CSMD3: variants seen among roughly 807,000 people sequenced by gnomAD.
CSMD3 encodes the protein CUB and sushi domain-containing protein 3.
In CSMD3, 177 loss-of-function variants were observed where a neutral mutation model predicts 435.2. The observed-to-expected ratio is 0.41, with a 90% CI of 0.36 to 0.46. The LOEUF (loss-of-function observed/expected upper bound fraction) is 0.46. Ranked by LOEUF, CSMD3 falls within the 20% of genes least tolerant of loss-of-function variation. The pLI, the probability that CSMD3 is intolerant of heterozygous loss-of-function variation, is 0.34. For missense variants in CSMD3, 4,265 were observed against 4,504.6 expected (o/e 0.95, Z 1.52); for synonymous variants, 1,656 against 1,520.5 (o/e 1.09, Z -2.07).
In CSMD3 at chr8:112,406,649, G is replaced by C. The variant is rs762168054; in HGVS notation, c.5684C>G (p.Ala1895Gly). Residue 1895 changes from alanine (A) to glycine (G), a missense_variant, in exon 35 of 71, where the codon GCA becomes GGA. Around this residue, in one of 3 missense-constraint regions of CSMD3, gnomAD observed 3,255 missense variants for 3,380.2 expected, o/e 0.96. Coordinates refer to ENST00000297405, the MANE Select transcript of CSMD3 (RefSeq NM_198123.2). Reference protein sequence around the residue: ...RFGRRIGNEFAVGSSVLFDCN... With the variant: ...RFGRRIGNEFGVGSSVLFDCN... ...ATCAAAAAGAACCGATGAACCGACT[G>C]CAAATTCATTGCCAATTCTTCTTCC... 1 of 1,612,408 alleles carries C rather than the reference G, an allele frequency of 6.2e-7. No individual in the cohort carries two copies. The highest frequency in any genetic ancestry group is 2.2e-5 in the East Asian group (1 of 44,790).
At position 112,304,731 on chromosome 8, in the gene CSMD3, T is replaced by C. The variant is rs749027267; in HGVS notation, c.8256A>G (p.Pro2752=). ...AGAGTGTATACTTACTTTGGCAATATGGTCTTTCATTTCTCCAACTCCAAG... is the reference window on the plus strand; with the variant it reads ...AGAGTGTATACTTACTTTGGCAATACGGTCTTTCATTTCTCCAACTCCAAG... ...NGTWSWRNER[P]YCQIISCGEL... Residue 2752 remains proline (P), a synonymous_variant, in exon 52 of 71, where the codon CCA becomes CCG. Transcript: ENST00000297405. The C allele has an allele frequency of 1.2e-6, 2 of 1,612,456 alleles. No homozygotes were observed. The highest frequency in any genetic ancestry group is 2.2e-5 in the South Asian group (2 of 91,064).
At chr8:113,334,075 T>C (rs1475971743) in intron 1 of CSMD3, among the ~76,000 whole-genome samples, 1 of 151,876 alleles carries the variant, frequency 6.6e-6, no homozygotes, top group Non-Finnish European at 1.5e-5. Flanking sequence ...ACTGCTACTA[T>C]ACAAAAATTA....
intron 11 of CSMD3, among the ~76,000 whole-genome samples, chr8:112,857,801 T>C (rs2511533): frequency 0.14 from 20,811 of 151,494 alleles, 1,696 homozygotes; most frequent in Middle Eastern, 0.3. Flanking sequence ...TGCTGCTAAG[T>C]GTTCAACAAA....
At chr8:112,879,679 T>A (rs2081393745) in intron 10 of CSMD3, among the ~76,000 whole-genome samples, 1 of 152,106 alleles carries the variant, frequency 6.6e-6, no homozygotes, top group Admixed American at 6.6e-5. Context: ...GCTTTTATAC[T>A]CTTTCTCTTT....
intron 13 of CSMD3, among the ~76,000 whole-genome samples, chr8:112,696,896 C>T (rs1324526882): frequency 1.3e-5 from 2 of 152,076 alleles, no homozygotes; most frequent in Non-Finnish European, 1.5e-5. Context: ...ACAAACAACC[C>T]CATCACAAAG....
intron 1 of CSMD3, among the ~76,000 whole-genome samples, chr8:113,362,722 C>T (rs966897454): frequency 1.3e-5 from 2 of 152,022 alleles, no homozygotes; most frequent in African/African-American, 4.8e-5. Context: ...GATAACTGTC[C>T]CCACTCAATA....
intron 54 of CSMD3, among the ~76,000 whole-genome samples, chr8:112,295,453 A>G (rs1195640972): frequency 1.3e-5 from 2 of 152,124 alleles, no homozygotes; most frequent in Non-Finnish European, 2.9e-5. Flanking sequence ...TTTCCACTAT[A>G]AAAAGCTCTG....
intron 21 of CSMD3, 86 bp downstream of exon 21, chr8:112,638,608 ACT>A (rs1224893803): frequency 1.3e-6 from 1 of 799,002 alleles, no homozygotes. Flanking sequence ...GCTATTTTTC[ACT>A]GTTTTATCAT....
At chr8:112,314,201 T>C in intron 48 of CSMD3, 149 bp from the exon 49 acceptor site, 1 of 747,438 alleles carries the variant, frequency 1.3e-6, no homozygotes, top group Non-Finnish European at 2.2e-6. Flanking sequence ...CATAAAATGT[T>C]TGTTTTAAGC....
intron 45 of CSMD3, among the ~76,000 whole-genome samples, chr8:112,320,437 C>T (rs1822885275): frequency 1.3e-5 from 2 of 152,060 alleles, no homozygotes; most frequent in African/African-American, 4.8e-5. Context: ...TTAACTCAAT[C>T]CTCACAAAAA....
At chr8:113,340,252 T>C (rs993060357) in intron 1 of CSMD3, among the ~76,000 whole-genome samples, 1 of 152,128 alleles carries the variant, frequency 6.6e-6, no homozygotes, top group African/African-American at 2.4e-5. Flanking sequence ...AATTATAAAT[T>C]AGTACTCTTA....
chr8:112,247,159 AT>A (rs558474240), intron 63 of CSMD3, 28 bp from the exon 64 acceptor site: 34 of 1,398,480 alleles, frequency 2.4e-5, no homozygotes, highest in Non-Finnish European at 3.3e-5. Context: ...GAGGAAAAAA[AT>A]ATTCCCCTAC....
chr8:112,731,042 C>T (rs2077062579), intron 13 of CSMD3, among the ~76,000 whole-genome samples: 1 of 152,072 alleles, frequency 6.6e-6, no homozygotes, highest in African/African-American at 2.4e-5. Context: ...AATTATTTAG[C>T]TGTTCAGAGA....
intron 32 of CSMD3, among the ~76,000 whole-genome samples, chr8:112,466,712 A>G (rs1817990293): frequency 6.6e-6 from 1 of 152,172 alleles, no homozygotes; most frequent in South Asian, 2.1e-4. Flanking sequence ...CAGGTTAACA[A>G]TTTATGCAGA....
At chr8:112,485,258 T>C (rs913631795) in intron 31 of CSMD3, among the ~76,000 whole-genome samples, 6 of 152,170 alleles carry the variant, frequency 3.9e-5, no homozygotes, top group Non-Finnish European at 8.8e-5. Flanking sequence ...TACGCTTCTC[T>C]ATTGAAAACC....
At chr8:113,117,904 A>G (rs889159236) in intron 4 of CSMD3, among the ~76,000 whole-genome samples, 2 of 152,186 alleles carry the variant, frequency 1.3e-5, no homozygotes, top group Non-Finnish European at 1.5e-5. Context: ...CCCAATGCCT[A>G]TATCCCCATT....
intron 4 of CSMD3, among the ~76,000 whole-genome samples, chr8:113,126,628 C>T (rs1464046874): frequency 6.6e-6 from 1 of 151,516 alleles, no homozygotes; most frequent in African/African-American, 2.4e-5. Context: ...GAAATAGTAT[C>T]GTAGATTGGC....
In CSMD3 at chr8:112,465,881, AG is replaced by A. The variant is rs1301766628; in HGVS notation, c.5395+6709del. ...TCCCAGCCACTTGGGAGGCTGAGGC[AG>A]GACAATCACTTGAACCCAGGAGGCG... On this transcript the variant is annotated intron_variant, in intron 32 of 70. Coordinates refer to ENST00000297405, the MANE Select transcript of CSMD3 (RefSeq NM_198123.2). Among the ~76,000 whole-genome samples, 5 of 151,806 alleles carry A rather than the reference AG, an allele frequency of 3.3e-5. No homozygotes were observed. The South Asian group carries it at 8.3e-4, about 25-fold the overall frequency.
At chr8:112,448,862 T>C (rs1224025168) in intron 32 of CSMD3, among the ~76,000 whole-genome samples, 1 of 152,046 alleles carries the variant, frequency 6.6e-6, no homozygotes, top group Non-Finnish European at 1.5e-5. Context: ...AGGTTAATCC[T>C]TTACCGCTCT....
Sources: allele counts gnomAD v4.1 joint callset (sites outside exome capture counted in the v4.1 genomes callset), GRCh38; gene constraint gnomAD v4.1.1; regional missense constraint gnomAD v4.1.1; transcripts MANE v1.5; gene names NCBI Gene and HGNC (gene_info 2026-07-23, HGNC 2026-07-21).